The following GMDS variants were observed in gnomAD, a reference collection of about 807,000 sequenced individuals.
GMDS encodes GDP-mannose 4,6-dehydratase.
In GMDS, 20 loss-of-function variants were observed where a neutral mutation model predicts 49.9. The ratio of observed to expected loss-of-function variants is 0.40; its 90% CI spans 0.28 to 0.58. The LOEUF is 0.58. Among genes scored for constraint, GMDS ranks in the 20% least tolerant of loss-of-function variants. GMDS has a pLI of 0.42. For missense variants in GMDS, 362 were observed against 481.4 expected (o/e 0.75, Z 2.32); for synonymous variants, 177 against 178.6 (o/e 0.99, Z 0.07).
intron 4 of GMDS, among the ~76,000 whole-genome samples, chr6:2,033,707 T>C (rs1279494700): frequency 1.3e-5 from 2 of 152,188 alleles, no homozygotes; most frequent in Non-Finnish European, 2.9e-5. Flanking sequence ...TGAGCTTAGA[T>C]CCTAACAGTA....
chr6:1,962,007 C>T lies in GMDS; in HGVS notation c.346-1041G>A, dbSNP rs557467786. 4.6e-5 allele frequency among the ~76,000 whole-genome samples: 7 copies of T among 152,310 alleles called. No individual in the cohort carries two copies. In the South Asian group the frequency reaches 1.4e-3, roughly 32 times the overall value. On this transcript the variant is annotated intron_variant, in intron 4 of 10. Transcript: ENST00000380815. ...CAAAAGAAAAAAAGTATGTTTCATC[C>T]ACAGTCTTTCAAAGGTAAGAAAGCA...
intron 8 of GMDS, among the ~76,000 whole-genome samples, chr6:1,731,041 A>C (rs1766782895): frequency 6.6e-6 from 1 of 152,212 alleles, no homozygotes; most frequent in Non-Finnish European, 1.5e-5. Flanking sequence ...AGATCAGGAA[A>C]GATATCAAAC....
At chr6:1,949,603 C>T (rs942288154) in intron 6 of GMDS, among the ~76,000 whole-genome samples, 2 of 152,214 alleles carry the variant, frequency 1.3e-5, no homozygotes, top group Admixed American at 1.3e-4. Context: ...TAAGCAATTA[C>T]ACCTCATCTC....
At chr6:1,917,060 ATGTT>A (rs1480980268) in intron 7 of GMDS, among the ~76,000 whole-genome samples, 2 of 152,336 alleles carry the variant, frequency 1.3e-5, no homozygotes, top group East Asian at 3.9e-4. Flanking sequence ...GGCTCCTCAG[ATGTT>A]CTACAGTTTC....
intron 4 of GMDS, among the ~76,000 whole-genome samples, chr6:2,106,592 G>C (rs974719247): frequency 2.0e-5 from 3 of 152,120 alleles, no homozygotes; most frequent in Non-Finnish European, 2.9e-5. Flanking sequence ...GCTGGGCAAG[G>C]TGGCTCATAC....
chr6:1,645,284 A>C (rs1763452642), intron 9 of GMDS, among the ~76,000 whole-genome samples: 1 of 152,060 alleles, frequency 6.6e-6, no homozygotes, highest in Admixed American at 6.6e-5. Context: ...CCCAAACTGA[A>C]TGCAAGCCCC....
At chr6:2,050,602 T>C (rs1386451118) in intron 4 of GMDS, among the ~76,000 whole-genome samples, 3 of 152,188 alleles carry the variant, frequency 2.0e-5, no homozygotes, top group East Asian at 3.8e-4. Flanking sequence ...CCAATATCCC[T>C]GATGAACATC....
chr6:1,803,296 A>G (rs1325953177), intron 7 of GMDS, among the ~76,000 whole-genome samples: 2 of 152,218 alleles, frequency 1.3e-5, no homozygotes, highest in African/African-American at 2.4e-5. Flanking sequence ...CTGGCTAAAA[A>G]TAAGACTGTT....
At chr6:1,785,558 C>CT (rs1561803784) in intron 7 of GMDS, among the ~76,000 whole-genome samples, 1 of 152,180 alleles carries the variant, frequency 6.6e-6, no homozygotes. Context: ...GCCACGTGGG[C>CT]CCCCTTGGGC....
rs1269990855 is a variant in GMDS, at chr6:1,866,449, G to A, written c.771+63654C>T. On this transcript the variant is annotated intron_variant, in intron 7 of 10. Transcript: ENST00000380815. Reference sequence around the variant, plus strand: ...CTACTGAGTGCCATACAGAGAGCAGGTAGTTAGTAGTGAGTATGAGCTAAT... The same window carrying A: ...CTACTGAGTGCCATACAGAGAGCAGATAGTTAGTAGTGAGTATGAGCTAAT... Among the ~76,000 whole-genome samples, 5 of 152,272 alleles carry A rather than the reference G, an allele frequency of 3.3e-5. No individual in the cohort carries two copies. The East Asian group carries it at 9.7e-4, about 29-fold the overall frequency.
intron 7 of GMDS, among the ~76,000 whole-genome samples, chr6:1,877,865 T>C (rs971592157): frequency 5.3e-5 from 8 of 152,220 alleles, no homozygotes; most frequent in Admixed American, 1.3e-4. Context: ...AATTATATGA[T>C]CTAAAAGCAA....
At chr6:1,719,379 A>G (rs1349539579) in intron 9 of GMDS, among the ~76,000 whole-genome samples, 1 of 152,164 alleles carries the variant, frequency 6.6e-6, no homozygotes, top group Non-Finnish European at 1.5e-5. Context: ...GCATGACTAC[A>G]TTTCAGCCCC....
At chr6:1,650,386 C>T (rs1260802934) in intron 9 of GMDS, among the ~76,000 whole-genome samples, 1 of 152,126 alleles carries the variant, frequency 6.6e-6, no homozygotes, top group Non-Finnish European at 1.5e-5. Flanking sequence ...CTCAGCCCTC[C>T]TGGTGTGTCC....
chr6:2,127,862 T>C (rs1445211822), intron 1 of GMDS, among the ~76,000 whole-genome samples: 3 of 152,224 alleles, frequency 2.0e-5, no homozygotes, highest in African/African-American at 4.8e-5. Flanking sequence ...ATCAGACTAA[T>C]GACTGAAATG....
chr6:2,060,238 C>T (rs1447611719), intron 4 of GMDS, among the ~76,000 whole-genome samples: 3 of 152,176 alleles, frequency 2.0e-5, no homozygotes, highest in African/African-American at 7.2e-5. Flanking sequence ...TGCCCCTCTG[C>T]TCCACACTGC....
At chr6:1,706,576 A>AC (rs1267099789) in intron 9 of GMDS, among the ~76,000 whole-genome samples, 2 of 152,208 alleles carry the variant, frequency 1.3e-5, no homozygotes, top group Admixed American at 1.3e-4. Context: ...GAAAACACAA[A>AC]CCAGCGGAGG....
chr6:2,126,370 A>C (rs927544797), intron 1 of GMDS, among the ~76,000 whole-genome samples: 15 of 152,262 alleles, frequency 9.9e-5, no homozygotes, highest in African/African-American at 3.6e-4. Flanking sequence ...CGGTTTCTTC[A>C]ATTTGAACAG....
Position 1,718,946 on chromosome 6 carries a change from A to AT in GMDS, c.987+7469dup, listed in dbSNP as rs1766270125. Among the ~76,000 whole-genome samples, 7 of 152,190 alleles carry AT rather than the reference A, an allele frequency of 4.6e-5. No homozygotes were observed. In the South Asian group the frequency reaches 1.5e-3, roughly 32 times the overall value. ...TTTTAGTACCTACACACAGTCACTT[A>AT]TTTTTTAGTTTGGATATTGTTACAC... On this transcript the variant is annotated intron_variant, in intron 9 of 10. Coordinates refer to ENST00000380815, the MANE Select transcript of GMDS (RefSeq NM_001500.4).
chr6:2,238,374 AT>A (rs1381775058), intron 1 of GMDS, among the ~76,000 whole-genome samples: 1 of 152,120 alleles, frequency 6.6e-6, no homozygotes, highest in Non-Finnish European at 1.5e-5. Context: ...GAACAAAATA[AT>A]TCACTGTCTT....
Sources: gnomAD v4.1 joint callset for allele counts (sites outside exome capture counted in the v4.1 genomes callset) on GRCh38, gnomAD v4.1.1 for gene constraint, MANE v1.5 for transcripts, NCBI Gene and HGNC (gene_info 2026-07-23, HGNC 2026-07-21) for gene names.